Variants in GPC6 observed in about 807,000 individuals in gnomAD.
GPC6 encodes glypican 6, also known as glypican-6.
In GPC6, 14 loss-of-function variants were observed where a neutral mutation model predicts 55.2. The ratio of observed to expected loss-of-function variants is 0.25; its 90% confidence interval spans 0.17 to 0.40. The LOEUF is 0.40. Among genes scored for constraint, GPC6 ranks in the 10% least tolerant of loss-of-function variants. GPC6 has a pLI of 1.00. For synonymous variants in GPC6, 278 were observed against 259.6 expected (o/e 1.07, Z -0.68); for missense variants, 641 against 708.5 (o/e 0.90, Z 1.08).
At chr13:94,224,906 G>A (rs1890498788) in intron 4 of GPC6, among the ~76,000 whole-genome samples, 1 of 152,110 alleles carries the variant, frequency 6.6e-6, no homozygotes, top group East Asian at 1.9e-4. Flanking sequence ...TTTGTCTTCA[G>A]GACCGTACTG....
intron 3 of GPC6, among the ~76,000 whole-genome samples, chr13:93,833,715 C>T (rs1300055520): frequency 1.3e-5 from 2 of 152,184 alleles, no homozygotes; most frequent in Non-Finnish European, 2.9e-5. Flanking sequence ...AATGTTTTGA[C>T]ATAATGTTCA....
At chr13:94,074,938 G>A (rs1016939708) in intron 4 of GPC6, among the ~76,000 whole-genome samples, 4 of 152,172 alleles carry the variant, frequency 2.6e-5, no homozygotes, top group African/African-American at 9.7e-5. Context: ...CCAGAACTGA[G>A]GTAGTTATAT....
intron 1 of GPC6, among the ~76,000 whole-genome samples, chr13:93,528,319 G>A (rs1881729516): frequency 1.3e-5 from 2 of 152,192 alleles, no homozygotes; most frequent in Admixed American, 1.3e-4. Context: ...AAAGAGGGCT[G>A]TGGGACTGCA....
chr13:94,174,479 A>C (rs1204426935), intron 4 of GPC6, among the ~76,000 whole-genome samples: 3 of 152,170 alleles, frequency 2.0e-5, no homozygotes, highest in Non-Finnish European at 4.4e-5. Flanking sequence ...TAGGGAAAAG[A>C]GACAGATGTA....
intron 1 of GPC6, among the ~76,000 whole-genome samples, chr13:93,311,061 A>T (rs1259474268): frequency 1.3e-5 from 2 of 152,150 alleles, no homozygotes; most frequent in East Asian, 1.9e-4. Flanking sequence ...ATTCACTGCC[A>T]TTGTGTCATC....
chr13:93,673,513 C>G (rs992224094), intron 2 of GPC6, among the ~76,000 whole-genome samples: 3 of 152,032 alleles, frequency 2.0e-5, no homozygotes, highest in African/African-American at 4.8e-5. Flanking sequence ...ATATATATGG[C>G]TTTAAAAGGG....
In GPC6 at chr13:93,267,958, CTTG is replaced by C. The variant is rs1877381493; in HGVS notation, c.160+40345_160+40347del. 2.0e-5 allele frequency among the ~76,000 whole-genome samples: 3 copies of C among 152,160 alleles called. No individual in the cohort carries two copies. The South Asian group carries it at 6.2e-4, about 31-fold the overall frequency. On this transcript the variant is annotated intron_variant, in intron 1 of 8. Coordinates refer to ENST00000377047, the MANE Select transcript of GPC6 (RefSeq NM_005708.5). ...TATGTTGCTGAGCATGTTTTCCATA[CTTG>C]TTAAGACTGAATACTGTTTTACTTG...
intron 3 of GPC6, among the ~76,000 whole-genome samples, chr13:93,905,408 T>A (rs1008311357): frequency 1.3e-5 from 2 of 152,190 alleles, no homozygotes; most frequent in Non-Finnish European, 2.9e-5. Context: ...ATTATTATAT[T>A]TGACTAATAA....
At position 93,979,317 on chromosome 13, in the gene GPC6, GTTTGTGTGTGTT is replaced by G. The variant is rs1455230075; in HGVS notation, c.712-48408_712-48397del. ...TGTGTGTGTGTGTGTGTGTGTGTGT[GTTTGTGTGTGTT>G]TTTTTGTGTGTGTGTGTTTTTTTTA... On this transcript the variant is annotated intron_variant, in intron 3 of 8. Transcript: ENST00000377047. Among the ~76,000 whole-genome samples the G allele has an allele frequency of 8.0e-3, 1,059 of 131,906 alleles. 15 individuals are homozygous for G. The highest frequency in any genetic ancestry group is 0.031 in the African/African-American group (1,022 of 32,500). The allele number at this position is 131,906 out of a possible 152,430, so 86.5% of individuals were successfully genotyped here. A position where few individuals can be genotyped will look rare whatever the true frequency, so the allele number is the denominator to read the frequency against.
the GPC6 span, among the ~76,000 whole-genome samples, chr13:93,220,180 T>A: frequency 6.6e-6 from 1 of 152,162 alleles, no homozygotes; most frequent in Non-Finnish European, 1.5e-5. Flanking sequence ...TAATAAAGAG[T>A]AAATGTTCCA....
intron 3 of GPC6, among the ~76,000 whole-genome samples, chr13:93,866,069 T>C (rs1037362989): frequency 6.6e-6 from 1 of 151,680 alleles, no homozygotes; most frequent in Non-Finnish European, 1.5e-5. Context: ...GCCTGATGTG[T>C]CCAAAACCAA....
At chr13:94,077,813 A>G (rs1240859453) in intron 4 of GPC6, among the ~76,000 whole-genome samples, 1 of 151,886 alleles carries the variant, frequency 6.6e-6, no homozygotes, top group East Asian at 1.9e-4. Context: ...CATCCCAGGG[A>G]TAAATCCCAC....
At chr13:93,973,151 G>A (rs1281967717) in intron 3 of GPC6, among the ~76,000 whole-genome samples, 1 of 152,074 alleles carries the variant, frequency 6.6e-6, no homozygotes, top group African/African-American at 2.4e-5. Context: ...AAACCTAGAT[G>A]GTATAGCCTA....
intron 4 of GPC6, among the ~76,000 whole-genome samples, chr13:94,165,997 T>C (rs759596894): frequency 6.6e-6 from 1 of 152,128 alleles, no homozygotes; most frequent in African/African-American, 2.4e-5. Context: ...TATTCCCAAG[T>C]ATAAGCTTTA....
chr13:94,286,353 A>C lies in GPC6; in HGVS notation c.882A>C (p.Ala294=). 1.2e-6 allele frequency: 2 copies of C among 1,613,768 alleles called. No individual in the cohort carries two copies. Among genetic ancestry groups the C allele is most frequent in the Non-Finnish European group, 1.7e-6 (2 of 1,179,778 alleles). ...CATGTTCCTGTATTTTAACAGATGC[A>C]ATGCTCTTGGTGGCAGAGCGACTGG... The part of the protein sequence containing the change: ...LDTEWNLFID[A]MLLVAERLEG... The change falls in exon 5 of 9, where the codon GCA becomes GCC. Residue 294 remains alanine (A), a synonymous_variant. Coordinates refer to ENST00000377047, the MANE Select transcript of GPC6 (RefSeq NM_005708.5).
At chr13:93,464,105 A>G (rs1270559972) in intron 1 of GPC6, among the ~76,000 whole-genome samples, 1 of 152,184 alleles carries the variant, frequency 6.6e-6, no homozygotes, top group Non-Finnish European at 1.5e-5. Context: ...TTAATTTAGA[A>G]ATACTTTATT....
At chr13:93,405,373 A>C (rs1772673515) in intron 1 of GPC6, among the ~76,000 whole-genome samples, 1 of 152,212 alleles carries the variant, frequency 6.6e-6, no homozygotes, top group African/African-American at 2.4e-5. Flanking sequence ...AGCTGTATTG[A>C]AGAATTTACA....
chr13:93,415,890 G>T (rs1876680234), intron 1 of GPC6, among the ~76,000 whole-genome samples: 1 of 152,052 alleles, frequency 6.6e-6, no homozygotes, highest in African/African-American at 2.4e-5. Context: ...TTTTTGGAGG[G>T]TGATGAAGTT....
At chr13:94,105,835 CAG>C (rs1566412372) in intron 4 of GPC6, among the ~76,000 whole-genome samples, 2 of 152,270 alleles carry the variant, frequency 1.3e-5, no homozygotes, top group East Asian at 3.9e-4. Context: ...TGTCTGGAAA[CAG>C]AAACACAACC....
Sources: allele counts gnomAD v4.1 joint callset (sites outside exome capture counted in the v4.1 genomes callset), GRCh38; gene constraint gnomAD v4.1.1; transcripts MANE v1.5; gene names NCBI Gene and HGNC (gene_info 2026-07-23, HGNC 2026-07-21).